The following ANKS1B variants were observed in gnomAD, a reference collection of about 807,000 sequenced individuals.
ANKS1B encodes the protein ankyrin repeat and sterile alpha motif domain containing 1B, also known as ankyrin repeat and sterile alpha motif domain-containing protein 1B.
Under a neutral mutation model 148.3 loss-of-function variants are expected in ANKS1B, and 36 were observed. That is an observed-to-expected ratio of 0.24 (90% confidence interval 0.19 to 0.32). ANKS1B has a LOEUF of 0.32. Ranked by LOEUF, ANKS1B falls within the 10% of genes least tolerant of loss-of-function variation. ANKS1B has a pLI of 1.00. For missense variants in ANKS1B, 1,157 were observed against 1,542.6 expected (o/e 0.75, Z 4.19); for synonymous variants, 542 against 560.8 (o/e 0.97, Z 0.47).
intron 12 of ANKS1B, among the ~76,000 whole-genome samples, chr12:99,295,429 T>C (rs2080730824): frequency 6.6e-6 from 1 of 152,222 alleles, no homozygotes; most frequent in African/African-American, 2.4e-5. Context: ...GATTTGACAG[T>C]TCTTCACATT....
At chr12:99,568,690 T>C (rs959312329) in intron 9 of ANKS1B, among the ~76,000 whole-genome samples, 2 of 152,206 alleles carry the variant, frequency 1.3e-5, no homozygotes, top group African/African-American at 2.4e-5. Context: ...GATTAGCTAA[T>C]AGAAATTGTT....
chr12:99,883,288 A>T (rs1047360272), intron 1 of ANKS1B, among the ~76,000 whole-genome samples: 2 of 152,182 alleles, frequency 1.3e-5, no homozygotes, highest in African/African-American at 4.8e-5. Context: ...TGGAGATATG[A>T]TAGTTTTTTC....
chr12:99,106,271 A>T lies in ANKS1B; in HGVS notation c.2527-21248T>A, dbSNP rs141022062. The stretch of plus-strand genomic sequence containing the variant: ...GTCTACTTCAGCATCATCAGCCGAC[A>T]TCATGGCATAGTGGAAAAAAATTTG... On this transcript the variant is annotated intron_variant, in intron 15 of 26. Coordinates refer to ENST00000683438, the MANE Select transcript of ANKS1B (RefSeq NM_001352186.2). Among the ~76,000 whole-genome samples the T allele has an allele frequency of 9.5e-4, 145 of 152,354 alleles. 1 individual carries two copies. The highest frequency in any genetic ancestry group is 3.3e-3 in the African/African-American group (138 of 41,588).
At chr12:99,742,399 T>C in intron 8 of ANKS1B, among the ~76,000 whole-genome samples, 1 of 152,246 alleles carries the variant, frequency 6.6e-6, no homozygotes. Context: ...TATAATTTTT[T>C]AAAAAATCTA....
chr12:98,872,945 T>C (rs1441114352), intron 17 of ANKS1B, among the ~76,000 whole-genome samples: 1 of 152,206 alleles, frequency 6.6e-6, no homozygotes, highest in African/African-American at 2.4e-5. Flanking sequence ...TAGTTTCTCC[T>C]TGATCTGCCA....
At chr12:99,287,379 A>C (rs1015157354) in intron 12 of ANKS1B, among the ~76,000 whole-genome samples, 4 of 152,204 alleles carry the variant, frequency 2.6e-5, no homozygotes, top group African/African-American at 9.6e-5. Context: ...ATATTGCAAC[A>C]GTGACTAAAG....
chr12:98,738,120 G>C (rs1235017714), intron 9 of ANKS1B, among the ~76,000 whole-genome samples: 1 of 152,218 alleles, frequency 6.6e-6, no homozygotes, highest in Non-Finnish European at 1.5e-5. Flanking sequence ...GGTCACATTT[G>C]AGACGTAGCA....
At chr12:99,201,052 G>C (rs972749256) in intron 14 of ANKS1B, among the ~76,000 whole-genome samples, 1 of 152,202 alleles carries the variant, frequency 6.6e-6, no homozygotes, top group Non-Finnish European at 1.5e-5. Context: ...AATGGCCCTG[G>C]TGTGGCAGTG....
intron 17 of ANKS1B, among the ~76,000 whole-genome samples, chr12:98,832,377 C>G (rs2099325929): frequency 6.6e-6 from 1 of 152,094 alleles, no homozygotes; most frequent in Non-Finnish European, 1.5e-5. Context: ...ACTCATGCTG[C>G]CTGAGAGCCT....
At chr12:98,832,709 G>A (rs560666582) in intron 17 of ANKS1B, among the ~76,000 whole-genome samples, 6 of 151,966 alleles carry the variant, frequency 3.9e-5, no homozygotes, top group South Asian at 2.1e-4. Flanking sequence ...GTCCTCCCCC[G>A]CCTCCTTATT....
At chr12:99,649,019 T>C (rs964176821) in intron 9 of ANKS1B, among the ~76,000 whole-genome samples, 1 of 150,982 alleles carries the variant, frequency 6.6e-6, no homozygotes, top group Non-Finnish European at 1.5e-5. Flanking sequence ...TCAGCAACTC[T>C]TCATTTTATA....
At chr12:98,772,221 G>T (rs1404388627) in intron 25 of ANKS1B, among the ~76,000 whole-genome samples, 4 of 152,154 alleles carry the variant, frequency 2.6e-5, no homozygotes, top group Admixed American at 2.6e-4. Context: ...TTAAAATGTG[G>T]CTGTATTTGA....
chr12:99,711,822 T>G (rs1360798558), intron 8 of ANKS1B, among the ~76,000 whole-genome samples: 1 of 152,110 alleles, frequency 6.6e-6, no homozygotes, highest in African/African-American at 2.4e-5. Context: ...GAAATACAAT[T>G]CAACCCAGTA....
At chr12:99,652,778 G>C (rs1453188184) in intron 9 of ANKS1B, among the ~76,000 whole-genome samples, 9 of 152,034 alleles carry the variant, frequency 5.9e-5, no homozygotes, top group African/African-American at 2.4e-5. Flanking sequence ...CAAGCCTTCA[G>C]AAGTAAAACC....
intron 22 of ANKS1B, 38 bp from the exon 23 acceptor site, chr12:98,782,175 T>C: frequency 6.4e-7 from 1 of 1,564,806 alleles, no homozygotes; most frequent in Non-Finnish European, 8.7e-7. Flanking sequence ...GGGAACATAA[T>C]AGGAGAGAAA....
At chr12:98,989,689 C>T (rs768272770) in intron 17 of ANKS1B, among the ~76,000 whole-genome samples, 5 of 152,024 alleles carry the variant, frequency 3.3e-5, no homozygotes, top group African/African-American at 4.8e-5. Context: ...CCTGTAGTCC[C>T]AGCACTTTGG....
intron 12 of ANKS1B, among the ~76,000 whole-genome samples, chr12:99,385,598 G>A (rs1186133334): frequency 6.6e-6 from 1 of 152,116 alleles, no homozygotes; most frequent in African/African-American, 2.4e-5. Flanking sequence ...TTTGATATAA[G>A]GCAACCTCAG....
intron 17 of ANKS1B, among the ~76,000 whole-genome samples, chr12:98,931,936 C>T (rs2099813997): frequency 6.6e-6 from 1 of 152,150 alleles, no homozygotes; most frequent in Non-Finnish European, 1.5e-5. Context: ...AAGGAACACA[C>T]CTGTGCATTT....
At chr12:98,814,647 A>G (rs1338233783) in intron 19 of ANKS1B, among the ~76,000 whole-genome samples, 1 of 152,214 alleles carries the variant, frequency 6.6e-6, no homozygotes, top group Non-Finnish European at 1.5e-5. Flanking sequence ...GCTTAGAAAC[A>G]GTTCCATGAA....
Sources: allele counts gnomAD v4.1 joint callset (sites outside exome capture counted in the v4.1 genomes callset), GRCh38; gene constraint gnomAD v4.1.1; transcripts MANE v1.5; gene names NCBI Gene and HGNC (gene_info 2026-07-23, HGNC 2026-07-21).